The following MGAM variants were observed in gnomAD, a reference collection of about 807,000 sequenced individuals.
MGAM encodes the protein maltase-glucoamylase.
MGAM carries 253 observed loss-of-function variants against 358.8 expected under a neutral mutation model. That is an observed-to-expected ratio of 0.71 (90% CI 0.64 to 0.78). MGAM has a LOEUF of 0.78. Ranked by LOEUF, MGAM falls within the 30% of genes least tolerant of loss-of-function variation. The probability of loss-of-function intolerance (pLI) is 0.00; values close to 1 mark genes in which losing one functional copy is unlikely to be tolerated. For missense variants in MGAM, 3,080 were observed against 3,432.6 expected, an observed-to-expected ratio of 0.90 and a Z score of 2.57; for synonymous variants, 1,105 against 1,227.1, an observed-to-expected ratio of 0.90 and a Z score of 2.08.
At chr7:142,086,426 T>G (rs1814768994) in intron 56 of MGAM, 98 bp downstream of exon 56, 1 of 1,031,220 alleles carries the variant, frequency 9.7e-7, no homozygotes, top group Non-Finnish European at 1.4e-6. Context: ...CCTTTTCTAT[T>G]TGGGCTCTGA....
upstream of MGAM, among the ~76,000 whole-genome samples, chr7:141,991,244 C>G (rs1335196657): frequency 4.6e-5 from 7 of 152,154 alleles, no homozygotes; most frequent in Admixed American, 3.9e-4. Flanking sequence ...GATGTTGTTA[C>G]TGTTATTCTC....
intron 2 of MGAM, among the ~76,000 whole-genome samples, chr7:141,987,717 G>A (rs1554446483): frequency 6.6e-6 from 1 of 152,322 alleles, no homozygotes. Flanking sequence ...AGGGATTCCC[G>A]TTTGGGAGAC....
At chr7:142,043,174 T>A (rs1809286319) in intron 21 of MGAM, among the ~76,000 whole-genome samples, 1 of 11,854 alleles carries the variant, frequency 8.4e-5, no homozygotes, top group Non-Finnish European at 1.2e-4. Context: ...ATATTATATA[T>A]ACATATAATA....
intron 26 of MGAM, among the ~76,000 whole-genome samples, chr7:142,053,355 T>C (rs1469490886): frequency 2.0e-5 from 3 of 151,970 alleles, no homozygotes; most frequent in East Asian, 1.9e-4. Context: ...TAGTGCTCAA[T>C]TGCAAGCAGG....
At chr7:141,992,322 A>T (rs1441972730), upstream of MGAM, among the ~76,000 whole-genome samples, 1 of 152,182 alleles carries the variant, frequency 6.6e-6, no homozygotes, top group African/African-American at 2.4e-5. Flanking sequence ...GGGCTTTGCA[A>T]TTCAGGCCTG....
chr7:142,105,837 C>G lies in MGAM; in HGVS notation c.8208C>G (p.Asp2736Glu), dbSNP rs1404005252. ...TTQVLSIDVT[D>E]RNISLHNFTS... ...AGGTATTAAGCATCGATGTGACTGA[C>G]AGAAACATCAGCCTACATAATTTTA... Residue 2736 changes from aspartate (D) to glutamate (E), a missense_variant, in exon 71 of 71, where the codon GAC (aspartate) becomes GAG (glutamate). By Grantham distance (45) the Asp-to-Glu change is conservative (BLOSUM62 2). Around this residue, in one of 5 missense-constraint regions of MGAM, gnomAD observed 194 missense variants for 172.8 expected, o/e 1.12. Coordinates refer to ENST00000475668, the MANE Select transcript of MGAM (RefSeq NM_001365693.1). 3.1e-6 allele frequency: 5 copies of G among 1,613,412 alleles called. No homozygotes were observed. Among genetic ancestry groups the G allele is most frequent in the Non-Finnish European group, 2.5e-6 (3 of 1,179,452 alleles).
intron 66 of MGAM, 64 bp downstream of exon 66, chr7:142,097,713 T>G (rs7801101): frequency 1.3e-6 from 2 of 1,500,778 alleles, no homozygotes; most frequent in Non-Finnish European, 1.8e-6. Flanking sequence ...GCTTTAGATC[T>G]GATAGACCTT....
Position 142,065,327 on chromosome 7 carries a change from C to T in MGAM, c.4485-8C>T, listed in dbSNP as rs1344209924. On this transcript the variant is annotated splice_region_variant and splice_polypyrimidine_tract_variant and intron_variant, in intron 37 of 70. Coordinates refer to ENST00000475668, the MANE Select transcript of MGAM (RefSeq NM_001365693.1). ...GCCTCAGTTCACCTCCTGTTCCCTTCCAAGCAGAGCCGTGCAGGAGGTGAC... is the reference window on the plus strand; with the variant it reads ...GCCTCAGTTCACCTCCTGTTCCCTTTCAAGCAGAGCCGTGCAGGAGGTGAC... 1 of 1,606,472 alleles carries T rather than the reference C, an allele frequency of 6.2e-7. No individual in the cohort carries two copies. Among genetic ancestry groups the T allele is most frequent in the South Asian group, 1.1e-5 (1 of 89,368 alleles).
intron 21 of MGAM, among the ~76,000 whole-genome samples, chr7:142,042,037 AC>A (rs1344568123): frequency 7.0e-5 from 3 of 42,962 alleles, no homozygotes; most frequent in African/African-American, 4.5e-4. Flanking sequence ...TATATTATAT[AC>A]ATATAATATA....
chr7:142,052,920 C>G lies in MGAM; in HGVS notation c.3095C>G (p.Ser1032Cys), dbSNP rs753606617. The change falls in exon 26 of 71, where the codon TCC (serine) becomes TGC (cysteine). Residue 1032 changes from serine (S) to cysteine (C), a missense_variant. By Grantham distance (112) the Ser-to-Cys change is moderately radical. Around this residue, in one of 5 missense-constraint regions of MGAM, gnomAD observed 1,816 missense variants for 1,840.5 expected, o/e 0.99. Transcript: ENST00000475668. ...KSSVYANAFP[S>C]TPVNPLRLDV... The stretch of plus-strand genomic sequence containing the variant: ...TCCGTTTATGCCAATGCCTTCCCCT[C>G]CACACCCGTGAACCCCCTTCGCCTG... The G allele has an allele frequency of 1.9e-5, 30 of 1,613,766 alleles. No individual in the cohort carries two copies. In the African/African-American group the frequency reaches 2.4e-4, roughly 13 times the overall value.
intron 21 of MGAM, among the ~76,000 whole-genome samples, chr7:142,042,048 A>T (rs182551386): frequency 0.13 from 6,201 of 48,458 alleles, 517 homozygotes; most frequent in East Asian, 0.3. Flanking sequence ...CATATAATAT[A>T]TAATATATAT....
intron 20 of MGAM, 146 bp downstream of exon 20, chr7:142,040,317 A>G (rs1009995620): frequency 1.1e-4 from 76 of 671,944 alleles, no homozygotes; most frequent in Non-Finnish European, 1.7e-4. Context: ...GAACCTGGGT[A>G]AAGTTAACCT....
rs1563130476 is a variant in MGAM at position 142,030,742 on chromosome 7, T to A, written c.1455T>A (p.Thr485=). The A allele has an allele frequency of 1.9e-6, 3 of 1,606,670 alleles. 1 individual carries two copies. In the African/African-American group the frequency reaches 4.0e-5, roughly 22 times the overall value. Residue 485 remains threonine (T), a synonymous_variant, in exon 12 of 71, where the codon ACT becomes ACA. Coordinates refer to ENST00000475668, the MANE Select transcript of MGAM (RefSeq NM_001365693.1). Reference sequence around the variant, plus strand: ...GGGTGAATAGTTCAGATGGAGTGACTCCACTCATTGGGGAGGTAACTTAAT... The same window carrying A: ...GGGTGAATAGTTCAGATGGAGTGACACCACTCATTGGGGAGGTAACTTAAT... The part of the protein sequence containing the change: ...KIWVNSSDGV[T]PLIGEVWPGQ...
At chr7:142,048,724 T>G (rs1269024157) in intron 22 of MGAM, among the ~76,000 whole-genome samples, 1 of 152,098 alleles carries the variant, frequency 6.6e-6, no homozygotes, top group Non-Finnish European at 1.5e-5. Context: ...AATGTTCCAG[T>G]AGGAAAGAGA....
In MGAM at chr7:142,103,404, A is replaced by G. The variant is rs1563232685; in HGVS notation, c.8149A>G (p.Ile2717Val). The G allele has an allele frequency of 1.9e-6, 3 of 1,610,046 alleles. No homozygotes were observed. Among genetic ancestry groups the G allele is most frequent in the East Asian group, 2.2e-5 (1 of 44,842 alleles). ...CAGCATCTCTGTGAGTGGCATGGTC[A>G]TAACACCCTCCTTCAACAATGACCC... ...SVSISVSGMV[I>V]TPSFNNDPTT... The change falls in exon 70 of 71, where the codon ATA becomes GTA. Residue 2717 changes from isoleucine to valine, a missense_variant. Around this residue, in one of 5 missense-constraint regions of MGAM, gnomAD observed 194 missense variants for 172.8 expected, o/e 1.12. Coordinates refer to ENST00000475668, the MANE Select transcript of MGAM (RefSeq NM_001365693.1).
intron 2 of MGAM, among the ~76,000 whole-genome samples, chr7:142,006,502 C>A (rs913532911): frequency 6.6e-6 from 1 of 152,102 alleles, no homozygotes; most frequent in Non-Finnish European, 1.5e-5. Context: ...CCCAAAAAAC[C>A]GTTATGTGAC....
intron 29 of MGAM, among the ~76,000 whole-genome samples, chr7:142,056,457 T>G (rs1439016821): frequency 6.6e-6 from 1 of 152,150 alleles, no homozygotes; most frequent in Non-Finnish European, 1.5e-5. Flanking sequence ...GTTGGAAAAT[T>G]ACCTATCGGG....
At chr7:142,061,788 G>A (rs998617032) in intron 34 of MGAM, among the ~76,000 whole-genome samples, 8 of 152,166 alleles carry the variant, frequency 5.3e-5, no homozygotes, top group Admixed American at 4.6e-4. Flanking sequence ...CTTCTAAGTG[G>A]TGTGAACCCA....
chr7:142,103,998 G>A (rs569405035), intron 70 of MGAM, among the ~76,000 whole-genome samples: 47 of 151,912 alleles, frequency 3.1e-4, no homozygotes, highest in Non-Finnish European at 6.0e-4. Context: ...GACTGCAGGC[G>A]TCTGCCACTA....
Sources: gnomAD v4.1 joint callset for allele counts (sites outside exome capture counted in the v4.1 genomes callset) on GRCh38, gnomAD v4.1.1 for gene constraint, gnomAD v4.1.1 regional missense constraint, MANE v1.5 for transcripts, NCBI Gene and HGNC (gene_info 2026-07-23, HGNC 2026-07-21) for gene names.